Variants in RAB40B observed in about 807,000 individuals in gnomAD.
RAB40B encodes ras-related protein Rab-40B.
Under a neutral mutation model 24.0 loss-of-function variants are expected in RAB40B, and 21 were observed. The ratio of observed to expected loss-of-function variants is 0.88; its 90% CI spans 0.62 to 1.26. RAB40B has a LOEUF of 1.26. Ranked by LOEUF, RAB40B falls within the 50% of genes most tolerant of loss-of-function variation. RAB40B has a pLI of 0.00. For synonymous variants in RAB40B, 167 were observed against 169.8 expected, an observed-to-expected ratio of 0.98 and a Z score of 0.13; for missense variants, 348 against 390.5, an observed-to-expected ratio of 0.89 and a Z score of 0.92.
At chr17:82,688,435 A>G (rs1350852091) in intron 1 of RAB40B, among the ~76,000 whole-genome samples, 1 of 151,332 alleles carries the variant, frequency 6.6e-6, no homozygotes, top group Non-Finnish European at 1.5e-5. Context: ...CAACATGGTG[A>G]AACCCCATCT....
chr17:82,683,712 G>C (rs1374248942), intron 1 of RAB40B, among the ~76,000 whole-genome samples: 2 of 151,424 alleles, frequency 1.3e-5, no homozygotes, highest in Non-Finnish European at 2.9e-5. Flanking sequence ...AAACAGGTGG[G>C]AGGATCACTT....
chr17:82,678,879 G>GT (rs35848277), intron 1 of RAB40B, among the ~76,000 whole-genome samples: 52,169 of 99,086 alleles, frequency 0.53, 16,528 homozygotes, highest in Admixed American at 0.65. Flanking sequence ...CCCTTTCTGC[G>GT]TTTTTTTTTT....
intron 2 of RAB40B, chr17:82,662,537 G>T: frequency 1.0e-6 from 1 of 985,314 alleles, no homozygotes; most frequent in Non-Finnish European, 1.2e-6. Context: ...GGTGAGGGCA[G>T]GTGGGGGCAG....
At chr17:82,661,331 G>C (rs747392607) in intron 2 of RAB40B, 2 of 1,144,506 alleles carry the variant, frequency 1.7e-6, no homozygotes, top group Non-Finnish European at 2.2e-6. Flanking sequence ...TTCAATGTAG[G>C]CTTTAAAAAA....
intron 1 of RAB40B, among the ~76,000 whole-genome samples, chr17:82,677,823 C>G (rs2143519166): frequency 6.6e-6 from 1 of 152,350 alleles, no homozygotes; most frequent in African/African-American, 2.4e-5. Flanking sequence ...GGTGCTGCAC[C>G]TGCCCGACCC....
At chr17:82,665,905 A>C (rs4789821) in intron 1 of RAB40B, among the ~76,000 whole-genome samples, 146,071 of 149,284 alleles carry the variant, frequency 0.98, 71,536 homozygotes, top group Non-Finnish European at 1. Context: ...AAAAAAAAAA[A>C]AAAAAAAAAC....
At position 82,658,576 on chromosome 17, in the gene RAB40B, A is replaced by G. The variant is rs1038712007; in HGVS notation, c.480T>C (p.Asn160=). 6.2e-7 allele frequency: 1 copy of G among 1,613,760 alleles called. No homozygotes were observed. The change falls in exon 5 of 6, where the codon AAT becomes AAC. Residue 160 remains asparagine (N), a synonymous_variant. Transcript: ENST00000571995. ...CCGTGAACGACTCTGTGATGTTGAA[A>G]TTGCACAGAGGGCTGACCTCAAAGA... is the stretch of plus-strand genomic sequence containing the variant. The part of the protein sequence containing the change: ...VTFFEVSPLC[N]FNITESFTEL...
Position 82,657,917 on chromosome 17 carries a change from G to T in RAB40B, c.783C>A (p.Arg261=), listed in dbSNP as rs780642744. The stretch of plus-strand genomic sequence containing the variant: ...AGTTTTTGGGGGGGCTCTGGGGGGG[G>T]CGGACGAGCTTCACTTTGCGGAGGC... ...RSSLRKVKLV[R]PPQSPPKNCT... is the part of the protein sequence containing the mutation. Residue 261 remains arginine, a synonymous_variant, in exon 6 of 6, where the codon CGC becomes CGA. Transcript: ENST00000571995. 1.9e-6 allele frequency: 2 copies of T among 1,026,288 alleles called. No individual in the cohort carries two copies. The highest frequency in any genetic ancestry group is 2.9e-6 in the Non-Finnish European group (2 of 685,794). 63.6% of individuals were successfully genotyped at this position (1,026,288 alleles called of 1,614,324 possible). A position where few individuals can be genotyped will look rare whatever the true frequency, so the allele number is the denominator to read the frequency against.
intron 1 of RAB40B, among the ~76,000 whole-genome samples, chr17:82,685,061 C>G (rs1157769975): frequency 6.7e-6 from 1 of 150,280 alleles, no homozygotes; most frequent in East Asian, 2.0e-4. Flanking sequence ...TGCAGTGAGC[C>G]GAGATCATAC....
At chr17:82,659,723 CAA>C (rs2046137844) in intron 3 of RAB40B, 66 bp from the exon 4 acceptor site, 10 of 1,249,702 alleles carry the variant, frequency 8.0e-6, no homozygotes, top group Non-Finnish European at 1.1e-5. Flanking sequence ...GCCATGCACG[CAA>C]AGACATACAA....
At chr17:82,664,589 G>A (rs747430486) in intron 1 of RAB40B, 33 bp from the exon 2 acceptor site, 9 of 1,602,318 alleles carry the variant, frequency 5.6e-6, no homozygotes, top group Middle Eastern at 1.7e-4. Context: ...TTAGGCCTGA[G>A]GCTGCAGCTA....
At position 82,698,543 on chromosome 17, in the gene RAB40B, C is replaced by T; in HGVS notation, c.54G>A (p.Leu18=). Residue 18 remains leucine, a synonymous_variant, in exon 1 of 6, where the codon CTG becomes CTA. Coordinates refer to ENST00000571995, the MANE Select transcript of RAB40B (RefSeq NM_006822.3). The part of the protein sequence containing the change: ...VRAYDFLLKF[L]LVGDSDVGKG... ...TGCCCACGTCGCTGTCGCCCACCAG[C>T]AGGAACTTGAGCAGAAAGTCGTAGG... is the stretch of plus-strand genomic sequence containing the variant. The T allele has an allele frequency of 6.5e-7, 1 of 1,528,028 alleles. No individual in the cohort carries two copies. The highest frequency in any genetic ancestry group is 8.8e-7 in the Non-Finnish European group (1 of 1,132,680). 94.7% of individuals were successfully genotyped at this position (1,528,028 alleles called of 1,614,324 possible). A position where few individuals can be genotyped will look rare whatever the true frequency, so the allele number is the denominator to read the frequency against.
rs1388489374 is a variant in RAB40B, at chr17:82,663,723, G to A, written c.203+773C>T. Reference sequence around the variant, plus strand: ...CCGAGCTCCCTGCCGGGTGCTCAGTGGCATCACTGAGCCAGGCGTGGGGGA... The same window carrying A: ...CCGAGCTCCCTGCCGGGTGCTCAGTAGCATCACTGAGCCAGGCGTGGGGGA... On this transcript the variant is annotated intron_variant, in intron 2 of 5. Coordinates refer to ENST00000571995, the MANE Select transcript of RAB40B (RefSeq NM_006822.3). This position sits in a 1 kb window ranked among gnomAD's most constrained non-coding sequence, Gnocchi z 6.2. Among the ~76,000 whole-genome samples, 1 of 152,044 alleles carries A rather than the reference G, an allele frequency of 6.6e-6. No homozygotes were observed. Among genetic ancestry groups the A allele is most frequent in the Non-Finnish European group, 1.5e-5 (1 of 67,972 alleles).
At chr17:82,672,320 C>A (rs563460078) in intron 1 of RAB40B, among the ~76,000 whole-genome samples, 13,007 of 56,268 alleles carry the variant, frequency 0.23, 118 homozygotes, top group African/African-American at 0.34. Flanking sequence ...TGACACACCC[C>A]ACCCCTGTAA....
In RAB40B at chr17:82,692,551, C is replaced by T. The variant is rs1302575949; in HGVS notation, c.142+5904G>A. Among the ~76,000 whole-genome samples, 4 of 149,450 alleles carry T rather than the reference C, an allele frequency of 2.7e-5. No individual in the cohort carries two copies. The highest frequency in any genetic ancestry group is 5.9e-5 in the Non-Finnish European group (4 of 67,488). ...AACGGTGCAGACCCAGACCCACAGG[C>T]GGGCTCTCAGCTGGGACAACGGTGG... On this transcript the variant is annotated intron_variant, in intron 1 of 5. Transcript: ENST00000571995. This position sits in a 1 kb window ranked among gnomAD's most constrained non-coding sequence, Gnocchi z 4.0.
chr17:82,668,808 G>A (rs2046294702), intron 1 of RAB40B, among the ~76,000 whole-genome samples: 1 of 152,274 alleles, frequency 6.6e-6, no homozygotes, highest in South Asian at 2.1e-4. Flanking sequence ...ACGCAGGGAA[G>A]GCGGAGCTGC....
chr17:82,659,586 G>A lies in RAB40B; in HGVS notation c.336C>T (p.Ile112=), dbSNP rs372054252. The A allele has an allele frequency of 3.7e-6, 6 of 1,614,024 alleles. No individual in the cohort carries two copies. The highest frequency in any genetic ancestry group is 1.3e-5 in the African/African-American group (1 of 75,022). Residue 112 remains isoleucine (I), a synonymous_variant, in exon 4 of 6, where the codon ATC becomes ATT. Coordinates refer to ENST00000571995, the MANE Select transcript of RAB40B (RefSeq NM_006822.3). ...TGGCATTTCTACAACATACCTCATC[G>A]ATCTCCTTAATCCATCGATCAATGC... is the stretch of plus-strand genomic sequence containing the variant. ...FDGIDRWIKE[I]DEHAPGVPKI... is the part of the protein sequence containing the mutation.
At chr17:82,672,671 G>A (rs918511969) in intron 1 of RAB40B, among the ~76,000 whole-genome samples, 4 of 152,234 alleles carry the variant, frequency 2.6e-5, no homozygotes, top group African/African-American at 7.2e-5. Context: ...GATGCCCTCT[G>A]CCAGGTTATG....
At chr17:82,658,233 C>A in intron 5 of RAB40B, 99 bp from the exon 6 acceptor site, 1 of 1,498,180 alleles carries the variant, frequency 6.7e-7, no homozygotes, top group Non-Finnish European at 9.0e-7. Flanking sequence ...TCCCAAGGCT[C>A]GGACGCCCGT....
Sources: gnomAD v4.1 joint callset for allele counts (sites outside exome capture counted in the v4.1 genomes callset) on GRCh38, gnomAD v4.1.1 for gene constraint, Gnocchi (gnomAD v3.1) non-coding constraint, MANE v1.5 for transcripts, NCBI Gene and HGNC (gene_info 2026-07-23, HGNC 2026-07-21) for gene names.